The following CCSER1 variants were observed in gnomAD, a reference collection of about 807,000 sequenced individuals.
CCSER1 encodes serine-rich coiled-coil domain-containing protein 1.
In CCSER1, 41 loss-of-function variants were observed where a neutral mutation model predicts 82.0. That is an observed-to-expected ratio of 0.50 (90% confidence interval 0.39 to 0.65). The LOEUF (loss-of-function observed/expected upper bound fraction) is 0.65, where lower values mean the gene tolerates loss of function less well. Among genes scored for constraint, CCSER1 ranks in the 30% least tolerant of loss-of-function variants. The pLI, the probability that CCSER1 is intolerant of heterozygous loss-of-function variation, is 0.00. For missense variants in CCSER1, 1,119 were observed against 1,064.2 expected (o/e 1.05, Z -0.72); for synonymous variants, 414 against 383.9 (o/e 1.08, Z -0.92).
At chr4:91,106,097 T>G (rs867574875) in intron 10 of CCSER1, among the ~76,000 whole-genome samples, 4 of 152,210 alleles carry the variant, frequency 2.6e-5, no homozygotes, top group Admixed American at 6.5e-5. Flanking sequence ...GCAAGATACA[T>G]TTCACTCTGA....
chr4:90,549,234 GTA>G (rs1304016801), intron 5 of CCSER1, among the ~76,000 whole-genome samples: 1 of 152,088 alleles, frequency 6.6e-6, no homozygotes, highest in East Asian at 1.9e-4. Flanking sequence ...TTAATAACCT[GTA>G]TCATAATATG....
At chr4:90,189,137 C>G (rs1310368058) in intron 1 of CCSER1, among the ~76,000 whole-genome samples, 1 of 151,906 alleles carries the variant, frequency 6.6e-6, no homozygotes, top group Non-Finnish European at 1.5e-5. Context: ...ACTGCGTTTT[C>G]ATGTAAAACT....
At chr4:90,467,924 G>A (rs564599700) in intron 4 of CCSER1, among the ~76,000 whole-genome samples, 5 of 152,200 alleles carry the variant, frequency 3.3e-5, no homozygotes, top group African/African-American at 1.2e-4. Flanking sequence ...ATGTTGCAAA[G>A]ATTCATTTAA....
At chr4:91,022,412 T>A (rs1478042607) in intron 9 of CCSER1, among the ~76,000 whole-genome samples, 3 of 152,272 alleles carry the variant, frequency 2.0e-5, no homozygotes, top group South Asian at 2.1e-4. Context: ...TCTACCATTG[T>A]TGGACATTTG....
intron 8 of CCSER1, among the ~76,000 whole-genome samples, chr4:90,861,651 A>C (rs981688064): frequency 6.6e-6 from 1 of 151,738 alleles, no homozygotes; most frequent in Non-Finnish European, 1.5e-5. Flanking sequence ...GTGACAAAGA[A>C]AAAGCATACA....
chr4:90,514,539 T>G (rs1246210356), intron 5 of CCSER1, among the ~76,000 whole-genome samples: 2 of 152,096 alleles, frequency 1.3e-5, no homozygotes, highest in Non-Finnish European at 2.9e-5. Flanking sequence ...GTGGATCACC[T>G]GAGGTTAGGA....
chr4:90,437,288 C>T (rs76280665), intron 4 of CCSER1, among the ~76,000 whole-genome samples: 387 of 147,118 alleles, frequency 2.6e-3, no homozygotes, highest in African/African-American at 8.9e-3. Context: ...CACACACACA[C>T]ATATATATAT....
chr4:91,106,141 T>TA (rs1725591564), intron 10 of CCSER1, among the ~76,000 whole-genome samples: 1 of 152,208 alleles, frequency 6.6e-6, no homozygotes, highest in African/African-American at 2.4e-5. Flanking sequence ...CTCTTCGCCA[T>TA]AAAAAATGAG....
At chr4:91,258,832 A>G (rs1368224863) in intron 10 of CCSER1, among the ~76,000 whole-genome samples, 3 of 152,170 alleles carry the variant, frequency 2.0e-5, no homozygotes, top group Non-Finnish European at 1.5e-5. Context: ...GCAGGTGAAA[A>G]ATGAAGCAGA....
chr4:90,729,910 CAA>C (rs1157448194), intron 7 of CCSER1, among the ~76,000 whole-genome samples: 3 of 152,014 alleles, frequency 2.0e-5, no homozygotes, highest in Non-Finnish European at 2.9e-5. Flanking sequence ...AATAAAATAA[CAA>C]AAGAACATAT....
intron 10 of CCSER1, among the ~76,000 whole-genome samples, chr4:91,344,528 A>G (rs1289295176): frequency 1.3e-5 from 2 of 152,214 alleles, no homozygotes; most frequent in Non-Finnish European, 2.9e-5. Flanking sequence ...AATAGAAAAT[A>G]TAGAATAATG....
chr4:91,578,285 G>T (rs1027404803), intron 10 of CCSER1, among the ~76,000 whole-genome samples: 5 of 151,666 alleles, frequency 3.3e-5, no homozygotes, highest in African/African-American at 1.2e-4. Flanking sequence ...TGTAAGCAGG[G>T]TATTATCTCA....
chr4:90,163,375 G>T lies in CCSER1; in HGVS notation c.-42+35544G>T, dbSNP rs779274661. Among the ~76,000 whole-genome samples the T allele has an allele frequency of 6.6e-5, 10 of 152,120 alleles. No homozygotes were observed. The East Asian group carries it at 9.7e-4, about 15-fold the overall frequency. On this transcript the variant is annotated intron_variant, in intron 1 of 10. Coordinates refer to ENST00000509176, the MANE Select transcript of CCSER1 (RefSeq NM_001145065.2). ...AATTAGCTCTTTAGGCCTTGAATTT[G>T]GTTTACTTTGTGCATCTATGTGCTA...
chr4:91,324,319 T>G (rs1358550), intron 10 of CCSER1, among the ~76,000 whole-genome samples: 13,385 of 152,240 alleles, frequency 0.088, 869 homozygotes, highest in East Asian at 0.21. Flanking sequence ...GGTAATGTAC[T>G]ATTTGTCGGA....
At chr4:91,434,832 C>T (rs1224236759) in intron 10 of CCSER1, among the ~76,000 whole-genome samples, 2 of 152,242 alleles carry the variant, frequency 1.3e-5, no homozygotes, top group East Asian at 1.9e-4. Flanking sequence ...CCAAGATTCC[C>T]CTTGGCTCAG....
intron 10 of CCSER1, among the ~76,000 whole-genome samples, chr4:91,478,708 G>A (rs1757726409): frequency 6.6e-6 from 1 of 151,944 alleles, no homozygotes; most frequent in African/African-American, 2.4e-5. Context: ...AGACTTTGAA[G>A]CTATAAATAT....
intron 1 of CCSER1, among the ~76,000 whole-genome samples, chr4:90,295,024 A>T (rs1280346112): frequency 5.3e-5 from 8 of 151,974 alleles, no homozygotes; most frequent in Admixed American, 5.3e-4. Context: ...TTGTTTGTTC[A>T]TATCTTTGAC....
rs62314381 is a variant in CCSER1 at position 90,566,844 on chromosome 4, C to T, written c.1725-61181C>T. Among the ~76,000 whole-genome samples, 966 of 151,990 alleles carry T rather than the reference C, an allele frequency of 6.4e-3. 8 individuals are homozygous for T. The highest frequency in any genetic ancestry group is 9.0e-3 in the Non-Finnish European group (611 of 67,948). Reference sequence around the variant, plus strand: ...TTCTCAATCTCCTGACCTCGTGATCCGCCCATCTCGGCCTCCCAAAGTGCT... The same window carrying T: ...TTCTCAATCTCCTGACCTCGTGATCTGCCCATCTCGGCCTCCCAAAGTGCT... On this transcript the variant is annotated intron_variant, in intron 5 of 10. Transcript: ENST00000509176.
chr4:91,204,434 T>G (rs938840358), intron 10 of CCSER1, among the ~76,000 whole-genome samples: 3 of 151,844 alleles, frequency 2.0e-5, no homozygotes, highest in Admixed American at 1.3e-4. Flanking sequence ...GAGTTTCATT[T>G]TGATGTGCTA....
Sources: allele counts gnomAD v4.1 joint callset (sites outside exome capture counted in the v4.1 genomes callset), GRCh38; gene constraint gnomAD v4.1.1; transcripts MANE v1.5; gene names NCBI Gene and HGNC (gene_info 2026-07-23, HGNC 2026-07-21).